Variants in CFAP74 observed in about 807,000 individuals in gnomAD.
CFAP74 encodes the protein cilia- and flagella-associated protein 74.
A neutral mutation model predicts 188.9 loss-of-function variants in CFAP74; 124 were observed. The observed-to-expected ratio is 0.66, with a 90% confidence interval of 0.57 to 0.76. CFAP74 has a LOEUF of 0.76. CFAP74 is among the 30% of genes least tolerant of loss of function. The pLI is 0.00. For missense variants in CFAP74, 2,198 were observed against 2,165.2 expected, an observed-to-expected ratio of 1.02 and a Z score of -0.30; for synonymous variants, 956 against 916.7, an observed-to-expected ratio of 1.04 and a Z score of -0.77.
At chr1:1,959,845 A>G in intron 15 of CFAP74, 119 bp downstream of exon 15, 5 of 793,128 alleles carry the variant, frequency 6.3e-6, no homozygotes, top group Non-Finnish European at 9.8e-6. Flanking sequence ...GGCCTGCGTG[A>G]TCCTCACTGA....
chr1:1,971,045 GTGCACACACA>G (rs1165495241), intron 9 of CFAP74, among the ~76,000 whole-genome samples: 43 of 138,020 alleles, frequency 3.1e-4, no homozygotes, highest in African/African-American at 1.1e-3. Context: ...CTGCACACAC[GTGCACACACA>G]TGCTCACACA....
intron 16 of CFAP74, among the ~76,000 whole-genome samples, chr1:1,958,162 C>T (rs1442450673): frequency 6.6e-6 from 1 of 152,244 alleles, no homozygotes; most frequent in Non-Finnish European, 1.5e-5. Flanking sequence ...AGGTGCTCAT[C>T]AAAGGTGGCT....
intron 28 of CFAP74, chr1:1,927,358 T>TG (rs1651990136): frequency 1.8e-6 from 1 of 551,732 alleles, no homozygotes; most frequent in Non-Finnish European, 3.2e-6. Context: ...GGGGGCTGGG[T>TG]GGGGGGTGGT....
chr1:1,989,184 C>T (rs545191892), intron 2 of CFAP74, among the ~76,000 whole-genome samples: 6 of 152,238 alleles, frequency 3.9e-5, no homozygotes, highest in Admixed American at 3.9e-4. Context: ...GAGTCAGGGA[C>T]ATCCGTCTTT....
intron 2 of CFAP74, among the ~76,000 whole-genome samples, chr1:1,989,890 T>C (rs2102107640): frequency 6.6e-6 from 1 of 152,322 alleles, no homozygotes; most frequent in South Asian, 2.1e-4. Context: ...GGTCCCTTAG[T>C]GTCCTTCAGG....
At chr1:1,991,765 C>T (rs115054947) in intron 1 of CFAP74, among the ~76,000 whole-genome samples, 3,444 of 152,122 alleles carry the variant, frequency 0.023, 65 homozygotes, top group African/African-American at 0.048. Context: ...ATTGGCTGGG[C>T]GTGGTGGCTC....
rs1451877350 is a variant in CFAP74 at position 1,982,707 on chromosome 1, C to T, written c.500+2679G>A. Among the ~76,000 whole-genome samples the T allele has an allele frequency of 2.6e-5, 4 of 152,238 alleles. No individual in the cohort carries two copies. In the East Asian group the frequency reaches 7.7e-4, roughly 29 times the overall value. On this transcript the variant is annotated intron_variant, in intron 6 of 38. Transcript: ENST00000682832. ...AGCCGGGCCCACAGGAGGAGGGCGG[C>T]AGGTGGGCTCCGGGCGCTCGGGGCC...
intron 13 of CFAP74, 135 bp from the exon 14 acceptor site, chr1:1,964,002 A>G: frequency 1.4e-6 from 1 of 690,134 alleles, no homozygotes; most frequent in Non-Finnish European, 2.6e-6. Context: ...AACAATTTCC[A>G]AGGTTTCTCC....
At chr1:1,926,042 T>C in intron 32 of CFAP74, 104 bp from the exon 33 acceptor site, 1 of 1,415,326 alleles carries the variant, frequency 7.1e-7, no homozygotes, top group Non-Finnish European at 9.4e-7. Context: ...TTGAGACAGC[T>C]CTGGGGGGGC....
intron 20 of CFAP74, among the ~76,000 whole-genome samples, chr1:1,945,986 C>A (rs1653738457): frequency 7.2e-6 from 1 of 138,570 alleles, no homozygotes; most frequent in Non-Finnish European, 1.5e-5. Flanking sequence ...GGGGGGGGCT[C>A]TGCATGTGTG....
chr1:1,999,207 A>G (rs1232997655), intron 1 of CFAP74, among the ~76,000 whole-genome samples: 3 of 152,248 alleles, frequency 2.0e-5, no homozygotes, highest in Non-Finnish European at 4.4e-5. Context: ...TGCTTTGGAC[A>G]AGACAAACAG....
In CFAP74 at chr1:1,927,809, G is replaced by C; in HGVS notation, c.3388-63C>G. 2.0e-6 allele frequency: 3 copies of C among 1,501,884 alleles called. No individual in the cohort carries two copies. The South Asian group carries it at 3.8e-5, about 19-fold the overall frequency. 93.0% of individuals were successfully genotyped at this position (1,501,884 alleles called of 1,614,324 possible). On this transcript the variant is annotated intron_variant, in intron 27 of 38. Coordinates refer to ENST00000682832, the MANE Select transcript of CFAP74 (RefSeq NM_001304360.2). Reference sequence around the variant, plus strand: ...CCCTAAACACAGCCAGCTGTGCCCCGTGGCTCCTCTGCGGCCAGTGCGGGA... The same window carrying C: ...CCCTAAACACAGCCAGCTGTGCCCCCTGGCTCCTCTGCGGCCAGTGCGGGA...
chr1:1,934,339 CAGGTGTAT>C lies in CFAP74; in HGVS notation c.3012-4011_3012-4004del, dbSNP rs879586936. On this transcript the variant is annotated intron_variant, in intron 25 of 38. Coordinates refer to ENST00000682832, the MANE Select transcript of CFAP74 (RefSeq NM_001304360.2). ...ACGTGGGTGTTAGGTTGTAGGTACA[CAGGTGTAT>C]ACGTGGGTGTTAGGTTGTAGGTACA... Among the ~76,000 whole-genome samples the C allele has an allele frequency of 2.1e-3, 298 of 144,808 alleles. 2 individuals carry two copies. Among genetic ancestry groups the C allele is most frequent in the Non-Finnish European group, 3.3e-3 (218 of 65,138 alleles). 95.0% of individuals were successfully genotyped at this position (144,808 alleles called of 152,430 possible). A position where few individuals can be genotyped will look rare whatever the true frequency, so the allele number is the denominator to read the frequency against.
chr1:1,934,839 A>G (rs1273901717), intron 25 of CFAP74, among the ~76,000 whole-genome samples: 2 of 141,702 alleles, frequency 1.4e-5, no homozygotes, highest in East Asian at 2.1e-4. Context: ...GTACGTGTGT[A>G]CGTGGGTGTT....
Position 1,946,991 on chromosome 1 carries a change from T to TC in CFAP74, c.2239dup (p.Glu747GlyfsTer36), listed in dbSNP as rs1246291242. ...ATTTTAGGGCCTGAGCTGGCTGACC[T>TC]CCCCCAGCGTGATCTCCGTCTGCTC... On this transcript the variant is annotated frameshift_variant and splice_region_variant, in exon 19 of 39. Transcript: ENST00000682832. LOFTEE classifies it high-confidence loss of function. The TC allele has an allele frequency of 2.6e-6, 4 of 1,534,662 alleles. No homozygotes were observed. Among genetic ancestry groups the TC allele is most frequent in the Non-Finnish European group, 3.5e-6 (4 of 1,145,684 alleles).
At chr1:1,939,508 G>A (rs1653209749) in intron 24 of CFAP74, 86 bp downstream of exon 24, 1 of 1,333,320 alleles carries the variant, frequency 7.5e-7, no homozygotes, top group Admixed American at 2.2e-5. Flanking sequence ...CACGCGTGGG[G>A]GACCCTGGAG....
chr1:1,989,108 G>T, intron 2 of CFAP74, 135 bp from the exon 3 acceptor site: 1 of 464,700 alleles, frequency 2.2e-6, no homozygotes. Context: ...CACAAGCACA[G>T]GCAGAGGTAA....
chr1:1,959,242 C>G (rs773291134), intron 15 of CFAP74, 33 bp from the exon 16 acceptor site: 7 of 1,388,708 alleles, frequency 5.0e-6, no homozygotes, highest in Non-Finnish European at 7.1e-6. Context: ...CCACAATACA[C>G]TTCTGCAACT....
intron 10 of CFAP74, among the ~76,000 whole-genome samples, chr1:1,970,184 G>A (rs1418212253): frequency 6.6e-6 from 1 of 152,196 alleles, no homozygotes; most frequent in Admixed American, 6.5e-5. Flanking sequence ...GGCAGGAGGT[G>A]GTCTGAGGGG....
Sources: allele counts gnomAD v4.1 joint callset (sites outside exome capture counted in the v4.1 genomes callset), GRCh38; gene constraint gnomAD v4.1.1; transcripts MANE v1.5; gene names NCBI Gene and HGNC (gene_info 2026-07-23, HGNC 2026-07-21).